KDM4C: variants seen among roughly 807,000 people sequenced by gnomAD.
The protein encoded by KDM4C is lysine demethylase 4C.
A neutral mutation model predicts 129.3 loss-of-function variants in KDM4C; 81 were observed. The observed-to-expected ratio is 0.63, with a 90% CI of 0.52 to 0.75. The LOEUF (loss-of-function observed/expected upper bound fraction) is 0.75, where lower values mean the gene tolerates loss of function less well. Among genes scored for constraint, KDM4C ranks in the 30% least tolerant of loss-of-function variants. The pLI is 0.00. For synonymous variants in KDM4C, 573 were observed against 456.1 expected, an observed-to-expected ratio of 1.26 and a Z score of -3.26; for missense variants, 1,457 against 1,304.0, an observed-to-expected ratio of 1.12 and a Z score of -1.81.
chr9:6,817,298 T>A (rs1832293341), intron 4 of KDM4C, among the ~76,000 whole-genome samples: 1 of 147,108 alleles, frequency 6.8e-6, no homozygotes, highest in Non-Finnish European at 1.5e-5. Context: ...ACCTCCTGGG[T>A]TCAAGCAGTC....
chr9:6,939,759 G>T (rs1229113035), intron 8 of KDM4C, among the ~76,000 whole-genome samples: 3 of 152,174 alleles, frequency 2.0e-5, no homozygotes, highest in Non-Finnish European at 4.4e-5. Context: ...ACTTTGGTAA[G>T]GATACATTTG....
intron 17 of KDM4C, among the ~76,000 whole-genome samples, chr9:7,057,377 T>C (rs557091465): frequency 3.2e-4 from 49 of 152,370 alleles, no homozygotes; most frequent in African/African-American, 1.2e-3. Context: ...TCTGCATTCA[T>C]CTATATCATG....
At chr9:6,854,533 AAAAAAAAAAAAAC>A (rs1405983754) in intron 5 of KDM4C, among the ~76,000 whole-genome samples, 2 of 145,896 alleles carry the variant, frequency 1.4e-5, no homozygotes, top group East Asian at 2.1e-4. Flanking sequence ...CTCAAAAAAA[AAAAAAAAAAAAAC>A]AAAAAAAAAA....
At chr9:6,869,755 G>A (rs1842581173) in intron 5 of KDM4C, among the ~76,000 whole-genome samples, 1 of 152,246 alleles carries the variant, frequency 6.6e-6, no homozygotes, top group Admixed American at 6.5e-5. Flanking sequence ...CTGAACTCAT[G>A]AAGGCAGCAA....
At chr9:6,973,214 T>C (rs1196530738) in intron 8 of KDM4C, among the ~76,000 whole-genome samples, 2 of 152,196 alleles carry the variant, frequency 1.3e-5, no homozygotes, top group Non-Finnish European at 2.9e-5. Context: ...TGCTGCTGCT[T>C]TTTTTCTCCC....
At chr9:7,147,973 C>T (rs988158550) in intron 19 of KDM4C, among the ~76,000 whole-genome samples, 2 of 152,158 alleles carry the variant, frequency 1.3e-5, no homozygotes, top group African/African-American at 4.8e-5. Context: ...TGGCCCGGAT[C>T]CCGTGCCTGC....
chr9:6,811,294 C>T (rs1237194099), intron 3 of KDM4C, among the ~76,000 whole-genome samples: 2 of 152,148 alleles, frequency 1.3e-5, no homozygotes, highest in African/African-American at 4.8e-5. Flanking sequence ...GCTGGGACCA[C>T]AGGTGCGTGC....
intron 5 of KDM4C, among the ~76,000 whole-genome samples, chr9:6,877,003 G>A (rs960954703): frequency 1.3e-5 from 2 of 152,112 alleles, no homozygotes; most frequent in South Asian, 2.1e-4. Flanking sequence ...CCATTCTTTC[G>A]TTCATTCATT....
chr9:6,772,387 G>A (rs1392585919), intron 1 of KDM4C, among the ~76,000 whole-genome samples: 2 of 149,212 alleles, frequency 1.3e-5, no homozygotes, highest in South Asian at 2.1e-4. Flanking sequence ...TTGAGACGGC[G>A]TCTTGCTCTT....
Position 6,986,621 on chromosome 9 carries a change from C to T in KDM4C, c.1632C>T (p.Ile544=). The T allele has an allele frequency of 1.2e-6, 2 of 1,613,634 alleles. No individual in the cohort carries two copies. Among genetic ancestry groups the T allele is most frequent in the South Asian group, 1.1e-5 (1 of 91,052 alleles). Reference sequence around the variant, plus strand: ...GGAATGGCCTTGAACCTGGGGAAATCCCAGCGGTCCCCAGTGGAGAGAGAA... The same window carrying T: ...GGAATGGCCTTGAACCTGGGGAAATTCCAGCGGTCCCCAGTGGAGAGAGAA... The part of the protein sequence containing the change: ...SHGNGLEPGE[I]PAVPSGERNS... The change falls in exon 11 of 22, where the codon ATC becomes ATT. Residue 544 remains isoleucine (I), a synonymous_variant. Coordinates refer to ENST00000381309, the MANE Select transcript of KDM4C (RefSeq NM_015061.6).
At chr9:7,039,764 C>G (rs748031342) in intron 15 of KDM4C, among the ~76,000 whole-genome samples, 2 of 152,028 alleles carry the variant, frequency 1.3e-5, no homozygotes, top group Non-Finnish European at 2.9e-5. Flanking sequence ...TCATAAAGGT[C>G]TTCATCCTTG....
In KDM4C at chr9:6,758,138, G is replaced by A. The variant is rs1340441893; in HGVS notation, c.-83G>A. The A allele has an allele frequency of 1.0e-6, 1 of 985,542 alleles. No individual in the cohort carries two copies. The highest frequency in any genetic ancestry group is 6.1e-5 in the Admixed American group (1 of 16,264). 61.0% of individuals were successfully genotyped at this position (985,542 alleles called of 1,614,324 possible). ...TCCCAAATTTCCCAAATCTCCCTGG[G>A]CCGGAGGCCACTGTCTTCTCTTCCT... On this transcript the variant is annotated 5_prime_UTR_variant, in exon 1 of 22. Coordinates refer to ENST00000381309, the MANE Select transcript of KDM4C (RefSeq NM_015061.6). This position sits in a 1 kb window ranked among gnomAD's most constrained non-coding sequence, Gnocchi z 4.6.
In KDM4C at chr9:6,835,589, C is replaced by A. The variant is rs1055610896; in HGVS notation, c.436-13918C>A. 6.4e-6 allele frequency: 6 copies of A among 933,590 alleles called. No individual in the cohort carries two copies. The African/African-American group carries it at 9.7e-5, about 15-fold the overall frequency. The allele number at this position is 933,590 out of a possible 1,614,324, so 57.8% of individuals were successfully genotyped here. ...TCAAATGCTTCTAGGCGGACTGTGACTTAGTTGTGTTACACCCTTTCTTGA... is the reference window on the plus strand; with the variant it reads ...TCAAATGCTTCTAGGCGGACTGTGAATTAGTTGTGTTACACCCTTTCTTGA... On this transcript the variant is annotated intron_variant, in intron 4 of 21. Coordinates refer to ENST00000381309, the MANE Select transcript of KDM4C (RefSeq NM_015061.6).
chr9:6,800,732 T>TC (rs1181395288), intron 2 of KDM4C, among the ~76,000 whole-genome samples: 6 of 151,972 alleles, frequency 3.9e-5, no homozygotes, highest in Non-Finnish European at 8.8e-5. Flanking sequence ...GCTCAAGCAG[T>TC]CGCCCCACCT....
intron 1 of KDM4C, among the ~76,000 whole-genome samples, chr9:6,786,099 C>G (rs1445793556): frequency 6.6e-6 from 1 of 151,912 alleles, no homozygotes; most frequent in African/African-American, 2.4e-5. Flanking sequence ...TGAGAGCTGT[C>G]AGTTTTTACT....
chr9:6,757,559 C>A, upstream of KDM4C: 1 of 907,790 alleles, frequency 1.1e-6, no homozygotes, highest in Non-Finnish European at 1.3e-6. Flanking sequence ...AGCTGCGAGC[C>A]CCGACTTTCT....
chr9:6,815,460 C>T (rs991907908), intron 4 of KDM4C, among the ~76,000 whole-genome samples: 23 of 152,232 alleles, frequency 1.5e-4, no homozygotes, highest in African/African-American at 5.5e-4. Context: ...AGAGATCTAA[C>T]TGCCTCGGCC....
chr9:7,153,942 G>A (rs1229023655), intron 19 of KDM4C, among the ~76,000 whole-genome samples: 1 of 152,008 alleles, frequency 6.6e-6, no homozygotes, highest in Non-Finnish European at 1.5e-5. Flanking sequence ...AGGCCTGTGG[G>A]TGCTGCTGCT....
chr9:6,939,803 CG>C (rs1825513052), intron 8 of KDM4C, among the ~76,000 whole-genome samples: 1 of 152,058 alleles, frequency 6.6e-6, no homozygotes, highest in African/African-American at 2.4e-5. Flanking sequence ...CAAGTGATTC[CG>C]TCCCTCTCTT....
Sources: allele counts gnomAD v4.1 joint callset (sites outside exome capture counted in the v4.1 genomes callset), GRCh38; gene constraint gnomAD v4.1.1; non-coding constraint Gnocchi (gnomAD v3.1); transcripts MANE v1.5; gene names NCBI Gene and HGNC (gene_info 2026-07-23, HGNC 2026-07-21).